The following HHIPL1 variants were observed in gnomAD, a reference collection of about 807,000 sequenced individuals.
HHIPL1 encodes HHIP-like protein 1.
In HHIPL1, 43 loss-of-function variants were observed where a neutral mutation model predicts 61.8. That is an observed-to-expected ratio of 0.70 (90% CI 0.55 to 0.90). The LOEUF (loss-of-function observed/expected upper bound fraction) is 0.90, where lower values mean the gene tolerates loss of function less well. Ranked by LOEUF, HHIPL1 falls within the 40% of genes least tolerant of loss-of-function variation. The pLI, the probability that HHIPL1 is intolerant of heterozygous loss-of-function variation, is 0.00. For synonymous variants in HHIPL1, 482 were observed against 515.8 expected (o/e 0.93, Z 0.89); for missense variants, 1,056 against 1,157.7 (o/e 0.91, Z 1.28).
At chr14:99,640,144 A>T (rs539370221), upstream of HHIPL1, among the ~76,000 whole-genome samples, 6 of 152,318 alleles carry the variant, frequency 3.9e-5, no homozygotes, top group Admixed American at 6.5e-5. Flanking sequence ...CTCTGGTTTT[A>T]AAAATGGAGC....
chr14:99,646,776 AAATATAATAT>A (rs201709385), intron 1 of HHIPL1, among the ~76,000 whole-genome samples: 175 of 143,618 alleles, frequency 1.2e-3, no homozygotes, highest in African/African-American at 3.9e-3. Context: ...TCCGTCTCAA[AAATATAATAT>A]AATATAATAT....
rs1355052177 is a variant in HHIPL1, at chr14:99,675,132, CGGGCGCCCACGCGGGCGCCCCGCCGA to C, written c.1864_1889del (p.Thr622HisfsTer187). 3.5e-5 allele frequency: 39 copies of C among 1,124,354 alleles called. No individual in the cohort carries two copies. The highest frequency in any genetic ancestry group is 6.8e-5 in the African/African-American group (4 of 59,200). 69.6% of individuals were successfully genotyped at this position (1,124,354 alleles called of 1,614,324 possible). On this transcript the variant is annotated frameshift_variant, in exon 9 of 9. Coordinates refer to ENST00000330710, the MANE Select transcript of HHIPL1 (RefSeq NM_001127258.3). LOFTEE classifies it low-confidence loss of function (END_TRUNC). The surrounding 1 kb of genome is among the most constrained non-coding windows in gnomAD (Gnocchi z 5.4). Reference sequence around the variant, plus strand: ...ACGGAGCACCCCGCGGCCTACAGCGCGGGCGCCCACGCGGGCGCCCCGCCGAGGGCGCCCCACGGCCGCTCCCCCCG... The same window carrying C: ...ACGGAGCACCCCGCGGCCTACAGCGCGGGCGCCCCACGGCCGCTCCCCCCG...
In HHIPL1 at chr14:99,668,103, G is replaced by A. The variant is rs1383066340; in HGVS notation, c.1649-119G>A. 2.7e-6 allele frequency: 2 copies of A among 729,582 alleles called. No individual in the cohort carries two copies. Among genetic ancestry groups the A allele is most frequent in the Non-Finnish European group, 5.1e-6 (2 of 390,546 alleles). The allele number at this position is 729,582 out of a possible 1,614,324, so 45.2% of individuals were successfully genotyped here. A position where few individuals can be genotyped will look rare whatever the true frequency, so the allele number is the denominator to read the frequency against. ...TAGACTGAGCTGGGATGCCTCACGT[G>A]ATGGCTAGCTGGGGTTGGGGTCTAT... On this transcript the variant is annotated intron_variant, in intron 6 of 8. Transcript: ENST00000330710. This position sits in a 1 kb window ranked among gnomAD's most constrained non-coding sequence, Gnocchi z 4.7.
rs934852554 is a variant in HHIPL1 at position 99,675,080 on chromosome 14, C to T, written c.1814-11C>T. Reference sequence around the variant, plus strand: ...TGGGTCCCTCTGACGGCATACTCTTCCTCTGCGCAGAGTTCATCCCGAAGA... The same window carrying T: ...TGGGTCCCTCTGACGGCATACTCTTTCTCTGCGCAGAGTTCATCCCGAAGA... On this transcript the variant is annotated splice_polypyrimidine_tract_variant and intron_variant, in intron 8 of 8. Coordinates refer to ENST00000330710, the MANE Select transcript of HHIPL1 (RefSeq NM_001127258.3). The surrounding 1 kb of genome is among the most constrained non-coding windows in gnomAD (Gnocchi z 5.4). 2.6e-6 allele frequency: 3 copies of T among 1,152,342 alleles called. No individual in the cohort carries two copies. Among genetic ancestry groups the T allele is most frequent in the Non-Finnish European group, 3.2e-6 (3 of 925,512 alleles). 71.4% of individuals were successfully genotyped at this position (1,152,342 alleles called of 1,614,324 possible).
In HHIPL1 at chr14:99,662,991, T is replaced by C; in HGVS notation, c.1618T>C (p.Tyr540His). ...AGGCCTCATCAACAACTACTACCCG[T>C]ACATCATCTCCTTCGGGGAGGACGA... ...FPGLINNYYP[Y>H]IISFGEDEAG... The change falls in exon 6 of 9, where the codon TAC becomes CAC. Residue 540 changes from tyrosine (Y) to histidine (H), a missense_variant. Transcript: ENST00000330710. 6.2e-7 allele frequency: 1 copy of C among 1,612,890 alleles called. No homozygotes were observed. Among genetic ancestry groups the C allele is most frequent in the Non-Finnish European group, 8.5e-7 (1 of 1,179,540 alleles).
intron 7 of HHIPL1, among the ~76,000 whole-genome samples, chr14:99,671,465 T>C: frequency 6.6e-6 from 1 of 152,196 alleles, no homozygotes; most frequent in African/African-American, 2.4e-5. Context: ...CTTGTCCCTC[T>C]TTTGTGTCCC....
At chr14:99,670,255 G>T (rs2056312806) in intron 7 of HHIPL1, among the ~76,000 whole-genome samples, 1 of 152,130 alleles carries the variant, frequency 6.6e-6, no homozygotes, top group Non-Finnish European at 1.5e-5. Context: ...GGGACTACAG[G>T]TGCCTGCCAC....
the HHIPL1 span, among the ~76,000 whole-genome samples, chr14:99,638,699 G>A: frequency 6.6e-6 from 1 of 152,260 alleles, no homozygotes; most frequent in African/African-American, 2.4e-5. Flanking sequence ...GCAGGGCCAG[G>A]CGGCTCCCTT....
At chr14:99,669,268 A>G in intron 7 of HHIPL1, 1 of 1,055,346 alleles carries the variant, frequency 9.5e-7, no homozygotes, top group Non-Finnish European at 1.1e-6. Context: ...ATGAGTGATC[A>G]GCTTTCTAAG....
Position 99,660,544 on chromosome 14 carries a change from G to A in HHIPL1, c.1502+138G>A. ...GCTCTGACAGGGGCCCCTAGGTGTG[G>A]GCCGGACACCCGCATCCACCCGCTT... On this transcript the variant is annotated intron_variant, in intron 5 of 8. Coordinates refer to ENST00000330710, the MANE Select transcript of HHIPL1 (RefSeq NM_001127258.3). This position sits in a 1 kb window ranked among gnomAD's most constrained non-coding sequence, Gnocchi z 4.9. The A allele has an allele frequency of 9.3e-7, 1 of 1,071,574 alleles. No individual in the cohort carries two copies. The highest frequency in any genetic ancestry group is 1.4e-6 in the Non-Finnish European group (1 of 736,026). The allele number at this position is 1,071,574 out of a possible 1,614,324, so 66.4% of individuals were successfully genotyped here.
intron 8 of HHIPL1, among the ~76,000 whole-genome samples, chr14:99,674,012 T>A (rs2056357981): frequency 6.6e-6 from 1 of 151,222 alleles, no homozygotes. Flanking sequence ...TGAGGCAGCC[T>A]GAGGAGCAGG....
upstream of HHIPL1, chr14:99,645,047 A>T: frequency 1.9e-6 from 1 of 539,500 alleles, no homozygotes; most frequent in Non-Finnish European, 2.8e-6. Flanking sequence ...AGTCCCGCCG[A>T]GTGTCCCCGA....
At chr14:99,631,048 TTTTCTTTCTTTCTTTCTTTCTTTCTTTC>T in the HHIPL1 span, among the ~76,000 whole-genome samples, 501 of 120,508 alleles carry the variant, frequency 4.2e-3, 4 homozygotes, top group African/African-American at 0.014. Flanking sequence ...AGTGGCTCCA[TTTTCTTTCTTTCTTTCTTTCTTTCTTTC>T]TTTCTTTCTT....
At chr14:99,642,725 C>T (rs539732744), upstream of HHIPL1, among the ~76,000 whole-genome samples, 553 of 152,110 alleles carry the variant, frequency 3.6e-3, 1 homozygote, top group Admixed American at 7.1e-3. Context: ...GGGGTTTCAC[C>T]GTATTAGCCA....
chr14:99,675,257 G>A lies in HHIPL1; in HGVS notation c.1980G>A (p.Arg660=). ...GGGGCGGCGGGCGGCGGCGGGGGCG[G>A]CTGAACTCGGCGAGCCGGGCGTTCC... ...SRRGGGRRRG[R]LNSASRAFRD... Residue 660 remains arginine, a synonymous_variant, in exon 9 of 9, where the codon CGG becomes CGA. Coordinates refer to ENST00000330710, the MANE Select transcript of HHIPL1 (RefSeq NM_001127258.3). This position sits in a 1 kb window ranked among gnomAD's most constrained non-coding sequence, Gnocchi z 5.4. 3.2e-6 allele frequency: 4 copies of A among 1,238,168 alleles called. No homozygotes were observed. The highest frequency in any genetic ancestry group is 2.8e-4 in the Middle Eastern group (1 of 3,562). The allele number at this position is 1,238,168 out of a possible 1,614,324, so 76.7% of individuals were successfully genotyped here.
At chr14:99,645,851 T>G (rs1358264241) in intron 1 of HHIPL1, among the ~76,000 whole-genome samples, 1 of 152,084 alleles carries the variant, frequency 6.6e-6, no homozygotes, top group Non-Finnish European at 1.5e-5. Flanking sequence ...GAGGCATCTG[T>G]CCCGGTCAGT....
chr14:99,608,230 G>T, the HHIPL1 span, among the ~76,000 whole-genome samples: 1 of 151,900 alleles, frequency 6.6e-6, no homozygotes, highest in African/African-American at 2.4e-5. Flanking sequence ...GGGCAGAGGA[G>T]GGCTTTGTAA....
In HHIPL1 at chr14:99,659,427, G is replaced by T; in HGVS notation, c.1047-1G>T. Reference sequence around the variant, plus strand: ...CGCGCCCTCTCCCACCCCGCCCGCAGGTCGGCGCTGCTGGGCAAGGTGCTG... The same window carrying T: ...CGCGCCCTCTCCCACCCCGCCCGCATGTCGGCGCTGCTGGGCAAGGTGCTG... On this transcript the variant is annotated splice_acceptor_variant, in intron 3 of 8. Coordinates refer to ENST00000330710, the MANE Select transcript of HHIPL1 (RefSeq NM_001127258.3). LOFTEE classifies it high-confidence loss of function. 1 of 1,437,836 alleles carries T rather than the reference G, an allele frequency of 7.0e-7. No individual in the cohort carries two copies. The highest frequency in any genetic ancestry group is 2.9e-5 in the East Asian group (1 of 34,756). The allele number at this position is 1,437,836 out of a possible 1,614,324, so 89.1% of individuals were successfully genotyped here.
At chr14:99,651,060 G>A (rs985723905) in intron 1 of HHIPL1, among the ~76,000 whole-genome samples, 2 of 152,134 alleles carry the variant, frequency 1.3e-5, no homozygotes, top group African/African-American at 2.4e-5. Context: ...AGCATCCTGG[G>A]CAACATGGCA....
Sources: gnomAD v4.1 joint callset for allele counts (sites outside exome capture counted in the v4.1 genomes callset) on GRCh38, gnomAD v4.1.1 for gene constraint, Gnocchi (gnomAD v3.1) non-coding constraint, MANE v1.5 for transcripts, NCBI Gene and HGNC (gene_info 2026-07-23, HGNC 2026-07-21) for gene names.